KRT36: variants seen among roughly 807,000 people sequenced by gnomAD.
KRT36 encodes the protein keratin 36.
A neutral mutation model predicts 43.0 loss-of-function variants in KRT36; 41 were observed. That is an observed-to-expected ratio of 0.95 (90% CI 0.74 to 1.24). KRT36 has a LOEUF of 1.24. KRT36 is among the 50% of genes most tolerant of loss of function. The pLI is 0.00. For missense variants in KRT36, 627 were observed against 595.3 expected (o/e 1.05, Z -0.55); for synonymous variants, 277 against 252.9 (o/e 1.10, Z -0.90).
chr17:41,488,289 T>A lies in KRT36; in HGVS notation c.653A>T (p.Glu218Val). Residue 218 changes from glutamate to valine, a missense_variant, in exon 3 of 7, where the codon GAG (glutamate) becomes GTG (valine). Physicochemically the swap from Glu to Val is moderately radical, Grantham distance 121. Coordinates refer to ENST00000328119, the MANE Select transcript of KRT36 (RefSeq NM_003771.5). ...LCKADLEAQV[E>V]SLKEELMCLK... is the part of the protein sequence containing the mutation. ...GCACATCAGCTCCTCCTTCAGGGAC[T>A]CCACCTGAGCCTCCAGGTCAGCCTT... is the stretch of plus-strand genomic sequence containing the variant. 1 of 1,614,146 alleles carries A rather than the reference T, an allele frequency of 6.2e-7. No homozygotes were observed. Among genetic ancestry groups the A allele is most frequent in the Non-Finnish European group, 8.5e-7 (1 of 1,179,990 alleles).
In KRT36 at chr17:41,486,941, G is replaced by A. The variant is rs1182981415; in HGVS notation, c.1208+9C>T. 2.5e-6 allele frequency: 4 copies of A among 1,609,566 alleles called. No homozygotes were observed. The highest frequency in any genetic ancestry group is 1.3e-5 in the African/African-American group (1 of 74,864). Reference sequence around the variant, plus strand: ...AGTCAAGCCCTACCCCAGCCCAAGGGCCACTCACTTGCAGTCCTCTCCCTC... The same window carrying A: ...AGTCAAGCCCTACCCCAGCCCAAGGACCACTCACTTGCAGTCCTCTCCCTC... On this transcript the variant is annotated intron_variant, in intron 6 of 6. Coordinates refer to ENST00000328119, the MANE Select transcript of KRT36 (RefSeq NM_003771.5).
chr17:41,487,394 G>T lies in KRT36; in HGVS notation c.944C>A (p.Thr315Lys). The T allele has an allele frequency of 2.5e-6, 4 of 1,612,970 alleles. No homozygotes were observed. In the South Asian group the frequency reaches 4.4e-5, roughly 18 times the overall value. Residue 315 changes from threonine to lysine, a missense_variant, in exon 5 of 7, where the codon ACG becomes AAG. Coordinates refer to ENST00000328119, the MANE Select transcript of KRT36 (RefSeq NM_003771.5). ...CQTEIIELRRTVNALEIELQA... is the reference protein window; with the variant it reads ...CQTEIIELRRKVNALEIELQA... ...CAGCTCAATCTCTAGCGCGTTGACC[G>T]TACGTCTCAGCTCGATGATCTCCGT...
rs774507782 is a variant in KRT36, at chr17:41,486,409, G to A, written c.1371C>T (p.Ser457=). 1 of 1,611,354 alleles carries A rather than the reference G, an allele frequency of 6.2e-7. No individual in the cohort carries two copies. The highest frequency in any genetic ancestry group is 8.5e-7 in the Non-Finnish European group (1 of 1,178,258). The change falls in exon 7 of 7, where the codon TCC becomes TCT. Residue 457 remains serine (S), a synonymous_variant. Transcript: ENST00000328119. The part of the protein sequence containing the change: ...TEEIRDGKVI[S]SREHVQSRPL ...GGCGGGACTGCACGTGCTCCCTGGAGGAGATGACTTTCCCATCTCTGATCT... is the reference window on the plus strand; with the variant it reads ...GGCGGGACTGCACGTGCTCCCTGGAAGAGATGACTTTCCCATCTCTGATCT...
intron 1 of KRT36, 98 bp from the exon 2 acceptor site, chr17:41,488,822 C>T: frequency 2.0e-6 from 2 of 988,296 alleles, no homozygotes. Context: ...CCACTGTGTA[C>T]CACCAGCCCC....
intron 3 of KRT36, 99 bp downstream of exon 3, chr17:41,488,144 G>T: frequency 3.6e-6 from 4 of 1,103,878 alleles, no homozygotes; most frequent in African/African-American, 1.6e-5. Context: ...GAAATGCAAG[G>T]CCTTTGTATA....
rs753646835 is a variant in KRT36 at position 41,486,269 on chromosome 17, G to A, written c.*107C>T. 70 of 864,078 alleles carry A rather than the reference G, an allele frequency of 8.1e-5. No homozygotes were observed. Among genetic ancestry groups the A allele is most frequent in the Non-Finnish European group, 1.2e-4 (65 of 556,480 alleles). The allele number at this position is 864,078 out of a possible 1,614,324, so 53.5% of individuals were successfully genotyped here. ...GTTTTGGTAGAAAAACCTGCTAAGC[G>A]TAGGGGGACCCCTCTAGAGAAGGGC... is the stretch of plus-strand genomic sequence containing the variant. On this transcript the variant is annotated 3_prime_UTR_variant, in exon 7 of 7. Transcript: ENST00000328119.
At position 41,489,477 on chromosome 17, in the gene KRT36, C is replaced by G; in HGVS notation, c.388G>C (p.Glu130Gln). ...ELESRIQEWY[E>Q]FQIPYICPDY... ...GGGCAGATGTATGGGATCTGAAACTCGTACCACTCCTGGATGCGGCTCTCC... is the reference window on the plus strand; with the variant it reads ...GGGCAGATGTATGGGATCTGAAACTGGTACCACTCCTGGATGCGGCTCTCC... The change falls in exon 1 of 7, where the codon GAG becomes CAG. Residue 130 changes from glutamate (E) to glutamine (Q), a missense_variant. By Grantham distance (29) the Glu-to-Gln change is conservative (BLOSUM62 2). Coordinates refer to ENST00000328119, the MANE Select transcript of KRT36 (RefSeq NM_003771.5). The G allele has an allele frequency of 6.2e-7, 1 of 1,614,242 alleles. No homozygotes were observed. The highest frequency in any genetic ancestry group is 8.5e-7 in the Non-Finnish European group (1 of 1,180,044).
chr17:41,486,966 C>T lies in KRT36; in HGVS notation c.1192G>A (p.Glu398Lys). ...GEIATYRHLL[E>K]GEDCKLPPQP... ...GCCACTCACTTGCAGTCCTCTCCCT[C>T]CAGCAGGTGGCGGTAGGTAGCGATC... The change falls in exon 6 of 7, where the codon GAG (glutamate) becomes AAG (lysine). Residue 398 changes from glutamate (E) to lysine (K), a missense_variant. Glu to Lys is a moderately conservative substitution (Grantham distance 56, BLOSUM62 1). Coordinates refer to ENST00000328119, the MANE Select transcript of KRT36 (RefSeq NM_003771.5). 2 of 1,613,052 alleles carry T rather than the reference C, an allele frequency of 1.2e-6. No individual in the cohort carries two copies. The highest frequency in any genetic ancestry group is 1.7e-6 in the Non-Finnish European group (2 of 1,179,906).
chr17:41,488,550 T>TCC (rs1295115586), intron 2 of KRT36, 92 bp downstream of exon 2: 1 of 1,515,778 alleles, frequency 6.6e-7, no homozygotes, highest in East Asian at 2.3e-5. Flanking sequence ...CATTTTCCCA[T>TCC]CCAGCCTTAT....
chr17:41,489,519 G>T lies in KRT36; in HGVS notation c.346C>A (p.Arg116=), dbSNP rs779679337. 3.1e-5 allele frequency: 50 copies of T among 1,614,076 alleles called. No homozygotes were observed. The highest frequency in any genetic ancestry group is 4.2e-5 in the Non-Finnish European group (49 of 1,180,042). ...NYLEKVRQLE[R]ENAELESRIQ... ...CGGCTCTCCAGCTCCGCGTTCTCCC[G>T]CTCCAGCTGACGCACCTTCTCCAGG... is the stretch of plus-strand genomic sequence containing the variant. The change falls in exon 1 of 7, where the codon CGG becomes AGG. Residue 116 remains arginine, a synonymous_variant. Coordinates refer to ENST00000328119, the MANE Select transcript of KRT36 (RefSeq NM_003771.5).
At position 41,488,259 on chromosome 17, in the gene KRT36, T is replaced by C. The variant is rs974541266; in HGVS notation, c.683A>G (p.Lys228Arg). The C allele has an allele frequency of 1.2e-6, 2 of 1,613,874 alleles. No homozygotes were observed. The highest frequency in any genetic ancestry group is 2.7e-5 in the African/African-American group (2 of 74,928). The change falls in exon 3 of 7, where the codon AAG becomes AGG. Residue 228 changes from lysine to arginine, a missense_variant. By Grantham distance (26) the Lys-to-Arg change is conservative. Coordinates refer to ENST00000328119, the MANE Select transcript of KRT36 (RefSeq NM_003771.5). ...ESLKEELMCLKKNHEEEVSVL... is the reference protein window; with the variant it reads ...ESLKEELMCLRKNHEEEVSVL... ...CAGCCTCACCTCCTCGTGATTCTTCTTGAGGCACATCAGCTCCTCCTTCAG... is the reference window on the plus strand; with the variant it reads ...CAGCCTCACCTCCTCGTGATTCTTCCTGAGGCACATCAGCTCCTCCTTCAG...
chr17:41,487,814 CCCTCTTCCCT>C lies in KRT36; in HGVS notation c.700-87_700-78del. The C allele has an allele frequency of 5.0e-6, 7 of 1,406,606 alleles. No homozygotes were observed. The South Asian group carries it at 7.8e-5, about 16-fold the overall frequency. The allele number at this position is 1,406,606 out of a possible 1,614,324, so 87.1% of individuals were successfully genotyped here. On this transcript the variant is annotated intron_variant, in intron 3 of 6. Transcript: ENST00000328119. ...CAGGTTTCAATGACCTGAATTCAAA[CCCTCTTCCCT>C]CAGTCACCAGCTGCATAGCATTAGA...
chr17:41,486,840 G>C (rs1196872576), intron 6 of KRT36, 110 bp downstream of exon 6: 3 of 982,494 alleles, frequency 3.1e-6, no homozygotes, highest in Admixed American at 2.5e-5. Flanking sequence ...AATCTCAAGG[G>C]GCTTTGGTTT....
At position 41,487,053 on chromosome 17, in the gene KRT36, G is replaced by A; in HGVS notation, c.1105C>T (p.Leu369=). Residue 369 remains leucine, a synonymous_variant, in exon 6 of 7, where the codon CTG becomes TTG. Transcript: ENST00000328119. ...EAQLSEIRCD[L]ERQNQEYQVL... ...TGGTACTCCTGGTTCTGCCGCTCCA[G>A]GTCGCAGCGGATCTCAGACAGCTGG... 2 of 1,614,248 alleles carry A rather than the reference G, an allele frequency of 1.2e-6. No individual in the cohort carries two copies. The highest frequency in any genetic ancestry group is 1.7e-6 in the Non-Finnish European group (2 of 1,180,034).
In KRT36 at chr17:41,487,491, A is replaced by G. The variant is rs1347537228; in HGVS notation, c.862-15T>C. On this transcript the variant is annotated splice_polypyrimidine_tract_variant and intron_variant, in intron 4 of 6. Coordinates refer to ENST00000328119, the MANE Select transcript of KRT36 (RefSeq NM_003771.5). ...AGCTCCTCAGTCTGAAACACATGCC[A>G]GGGCCCAGAGCATGGTCAAACCAAG... is the stretch of plus-strand genomic sequence containing the variant. The G allele has an allele frequency of 3.1e-6, 5 of 1,614,008 alleles. No homozygotes were observed. The South Asian group carries it at 3.3e-5, about 11-fold the overall frequency.
Position 41,489,707 on chromosome 17 carries a change from C to G in KRT36, c.158G>C (p.Arg53Thr). The G allele has an allele frequency of 6.2e-7, 1 of 1,614,186 alleles. No individual in the cohort carries two copies. Among genetic ancestry groups the G allele is most frequent in the South Asian group, 1.1e-5 (1 of 91,088 alleles). Residue 53 changes from arginine (R) to threonine (T), a missense_variant, in exon 1 of 7, where the codon AGG becomes ACG. By Grantham distance (71) the Arg-to-Thr change is moderately conservative. Transcript: ENST00000328119. ...AGAAGYISSA[R>T]SGLSGLGSCL... ...GCTCCCAAGGCCAGAGAGGCCCGAC[C>G]TAGCAGAAGAGATGTACCCTGCAGC...
Position 41,488,706 on chromosome 17 carries a change from CAGACTT to C in KRT36, c.472_477del (p.Lys158_Ser159del). On this transcript the variant is annotated inframe_deletion, in exon 2 of 7. Coordinates refer to ENST00000328119, the MANE Select transcript of KRT36 (RefSeq NM_003771.5). Reference sequence around the variant, plus strand: ...ATCTGCAGGACCAGCCTGGCATTCTCAGACTTAGTCAGCAGGATCTGGGGAACAAGA... The same window carrying C: ...ATCTGCAGGACCAGCCTGGCATTCTCAGTCAGCAGGATCTGGGGAACAAGA... 2 of 1,613,858 alleles carry C rather than the reference CAGACTT, an allele frequency of 1.2e-6. No individual in the cohort carries two copies. Among genetic ancestry groups the C allele is most frequent in the Non-Finnish European group, 1.7e-6 (2 of 1,179,874 alleles).
At chr17:41,488,768 G>A (rs1904479720) in intron 1 of KRT36, 44 bp from the exon 2 acceptor site, 1 of 1,526,080 alleles carries the variant, frequency 6.6e-7, no homozygotes, top group South Asian at 1.1e-5. Context: ...AGGCCCAGCA[G>A]TGTGGGGGCA....
chr17:41,486,721 A>G, intron 6 of KRT36, 150 bp from the exon 7 acceptor site: 1 of 736,570 alleles, frequency 1.4e-6, no homozygotes, highest in Non-Finnish European at 2.2e-6. Flanking sequence ...ACTGAGCTAC[A>G]GGAATGAAGA....
Sources: allele counts gnomAD v4.1 joint callset, GRCh38; gene constraint gnomAD v4.1.1; transcripts MANE v1.5; gene names NCBI Gene and HGNC (gene_info 2026-07-23, HGNC 2026-07-21).